CNOT6: variants seen among roughly 807,000 people sequenced by gnomAD.
CNOT6 encodes the protein CCR4-NOT transcription complex subunit 6.
Under a neutral mutation model 61.2 loss-of-function variants are expected in CNOT6, and 12 were observed. The ratio of observed to expected loss-of-function variants is 0.20; its 90% CI spans 0.13 to 0.32. CNOT6 has a LOEUF of 0.32. Among genes scored for constraint, CNOT6 ranks in the 10% least tolerant of loss-of-function variants. The pLI, the probability that CNOT6 is intolerant of heterozygous loss-of-function variation, is 1.00. For missense variants in CNOT6, 405 were observed against 663.9 expected (o/e 0.61, Z 4.28); for synonymous variants, 225 against 240.6 (o/e 0.94, Z 0.60).
intron 4 of CNOT6, among the ~76,000 whole-genome samples, chr5:180,559,827 G>T (rs920111535): frequency 6.6e-6 from 1 of 151,778 alleles, no homozygotes; most frequent in Non-Finnish European, 1.5e-5. Flanking sequence ...TCTATTGGGG[G>T]TTATTTTACC....
chr5:180,527,837 C>G (rs1758173198), intron 1 of CNOT6, among the ~76,000 whole-genome samples: 1 of 152,200 alleles, frequency 6.6e-6, no homozygotes, highest in Non-Finnish European at 1.5e-5. Flanking sequence ...GCAAGCATTA[C>G]TGCCCAAGGT....
intron 1 of CNOT6, among the ~76,000 whole-genome samples, chr5:180,496,842 G>A (rs1322965430): frequency 1.3e-5 from 2 of 152,090 alleles, no homozygotes. Flanking sequence ...CAGCCCAAGC[G>A]GCTCCTCTTG....
chr5:180,513,143 C>T (rs1214398276), intron 1 of CNOT6, among the ~76,000 whole-genome samples: 8 of 148,984 alleles, frequency 5.4e-5, no homozygotes, highest in African/African-American at 7.4e-5. Context: ...GTGATCCACC[C>T]GCCTTGGCCT....
At chr5:180,560,753 G>C (rs1284489652) in intron 4 of CNOT6, among the ~76,000 whole-genome samples, 2 of 151,966 alleles carry the variant, frequency 1.3e-5, no homozygotes, top group African/African-American at 4.8e-5. Flanking sequence ...TGAATCTGTT[G>C]GTTTATATTT....
At position 180,567,762 on chromosome 5, in the gene CNOT6, A is replaced by G. The variant is rs555971670; in HGVS notation, c.873-87A>G. On this transcript the variant is annotated intron_variant, in intron 8 of 11. Transcript: ENST00000261951. ...TTAAGTGCCATCGTATCTGTTAAGGAAGTTTGGGAAAACTGCGTTTCCCAC... is the reference window on the plus strand; with the variant it reads ...TTAAGTGCCATCGTATCTGTTAAGGGAGTTTGGGAAAACTGCGTTTCCCAC... 34 of 1,579,940 alleles carry G rather than the reference A, an allele frequency of 2.2e-5. No homozygotes were observed. In the South Asian group the frequency reaches 3.8e-4, roughly 18 times the overall value.
chr5:180,531,123 CACTTCCCA>C (rs1758345641), intron 2 of CNOT6, among the ~76,000 whole-genome samples: 2 of 130,518 alleles, frequency 1.5e-5, no homozygotes, highest in African/African-American at 5.4e-5. Flanking sequence ...AGGGGCTCCT[CACTTCCCA>C]GACCGGGCGG....
chr5:180,568,694 TGAG>T (rs1197740228), intron 9 of CNOT6, among the ~76,000 whole-genome samples: 1 of 152,150 alleles, frequency 6.6e-6, no homozygotes, highest in Non-Finnish European at 1.5e-5. Context: ...TTGTGTCACT[TGAG>T]GAACAGTTGG....
At chr5:180,524,573 A>G (rs1477850730) in intron 1 of CNOT6, among the ~76,000 whole-genome samples, 2 of 152,176 alleles carry the variant, frequency 1.3e-5, no homozygotes, top group Admixed American at 6.5e-5. Context: ...GTCTCACAAT[A>G]CGAAAAACCA....
At chr5:180,538,680 A>G (rs1037228113) in intron 2 of CNOT6, among the ~76,000 whole-genome samples, 1 of 94,658 alleles carries the variant, frequency 1.1e-5, no homozygotes, top group Admixed American at 1.4e-4. Context: ...TCTGTCTGAG[A>G]AAAAGGTATA....
At chr5:180,525,390 T>G (rs891341973) in intron 1 of CNOT6, among the ~76,000 whole-genome samples, 1 of 151,932 alleles carries the variant, frequency 6.6e-6, no homozygotes, top group Non-Finnish European at 1.5e-5. Flanking sequence ...AATACAAAGA[T>G]TAGCCTGGTG....
intron 10 of CNOT6, among the ~76,000 whole-genome samples, chr5:180,570,231 G>A (rs1353681236): frequency 5.3e-5 from 8 of 152,224 alleles, no homozygotes; most frequent in Middle Eastern, 3.4e-3. Flanking sequence ...GGTGGTGCAC[G>A]CCTGTAATCC....
intron 2 of CNOT6, among the ~76,000 whole-genome samples, chr5:180,548,930 A>G (rs1302306441): frequency 2.0e-5 from 3 of 152,256 alleles, no homozygotes; most frequent in Non-Finnish European, 4.4e-5. Context: ...TGTAGAAACC[A>G]TTGACAATTT....
At chr5:180,559,056 C>T (rs1377699129) in intron 4 of CNOT6, among the ~76,000 whole-genome samples, 1 of 152,138 alleles carries the variant, frequency 6.6e-6, no homozygotes, top group Admixed American at 6.5e-5. Flanking sequence ...TCCATCCTGG[C>T]ATATGTTTCT....
At chr5:180,572,946 AT>A (rs1170632143) in intron 11 of CNOT6, among the ~76,000 whole-genome samples, 2 of 152,312 alleles carry the variant, frequency 1.3e-5, no homozygotes, top group Admixed American at 1.3e-4. Context: ...TGGAAAAGTA[AT>A]CATTTAGATT....
intron 1 of CNOT6, among the ~76,000 whole-genome samples, chr5:180,508,508 C>T (rs975352484): frequency 2.6e-5 from 4 of 152,054 alleles, no homozygotes; most frequent in South Asian, 4.1e-4. Flanking sequence ...GACGGGGTTT[C>T]ACCGTGTTGG....
chr5:180,572,975 A>G (rs1760825388), intron 11 of CNOT6, among the ~76,000 whole-genome samples: 1 of 152,222 alleles, frequency 6.6e-6, no homozygotes, highest in African/African-American at 2.4e-5. Context: ...CAGAGTGTAA[A>G]TAAGAGTTTA....
At chr5:180,507,698 A>G (rs1328744162) in intron 1 of CNOT6, among the ~76,000 whole-genome samples, 2 of 152,192 alleles carry the variant, frequency 1.3e-5, no homozygotes, top group Non-Finnish European at 2.9e-5. Flanking sequence ...TTGCACTGCT[A>G]TAAAGAAATG....
intron 1 of CNOT6, among the ~76,000 whole-genome samples, chr5:180,505,674 C>T (rs1054132013): frequency 6.0e-5 from 9 of 150,258 alleles, no homozygotes; most frequent in African/African-American, 1.2e-4. Context: ...CAGCCTCCCG[C>T]GTAGCTGGGA....
chr5:180,528,563 C>T (rs1338302588), intron 1 of CNOT6, among the ~76,000 whole-genome samples: 2 of 152,196 alleles, frequency 1.3e-5, no homozygotes, highest in Non-Finnish European at 2.9e-5. Context: ...GATTCACCCG[C>T]CTCGGCCTCC....
Sources: gnomAD v4.1 joint callset for allele counts (sites outside exome capture counted in the v4.1 genomes callset) on GRCh38, gnomAD v4.1.1 for gene constraint, MANE v1.5 for transcripts, NCBI Gene and HGNC (gene_info 2026-07-23, HGNC 2026-07-21) for gene names.